Variants in ATP2B2 observed in about 807,000 individuals in gnomAD.
ATP2B2 encodes plasma membrane calcium-transporting ATPase 2.
A neutral mutation model predicts 120.0 loss-of-function variants in ATP2B2; 15 were observed. The ratio of observed to expected loss-of-function variants is 0.12; its 90% CI spans 0.08 to 0.19. The LOEUF (loss-of-function observed/expected upper bound fraction) is 0.19, where lower values mean the gene tolerates loss of function less well. Among genes scored for constraint, ATP2B2 ranks in the 10% least tolerant of loss-of-function variants. ATP2B2 has a pLI of 1.00. For missense variants in ATP2B2, 1,045 were observed against 1,719.8 expected, an observed-to-expected ratio of 0.61 and a Z score of 6.94; for synonymous variants, 694 against 700.3, an observed-to-expected ratio of 0.99 and a Z score of 0.14.
In ATP2B2 at chr3:10,342,691, A is replaced by C; in HGVS notation, c.2917+61T>G. The C allele has an allele frequency of 6.4e-7, 1 of 1,559,842 alleles. No homozygotes were observed. On this transcript the variant is annotated intron_variant, in intron 19 of 22. Transcript: ENST00000360273. This position sits in a 1 kb window ranked among gnomAD's most constrained non-coding sequence, Gnocchi z 4.4. Reference sequence around the variant, plus strand: ...GACTCGAGAATGCTGGGTGAGAGCCATGGTGCACCCAGAAGGTGATGACCC... The same window carrying C: ...GACTCGAGAATGCTGGGTGAGAGCCCTGGTGCACCCAGAAGGTGATGACCC...
At chr3:10,499,950 T>C (rs1438945005) in intron 1 of ATP2B2, among the ~76,000 whole-genome samples, 4 of 149,164 alleles carry the variant, frequency 2.7e-5, no homozygotes, top group Non-Finnish European at 5.9e-5. Flanking sequence ...TTTTTTTTTT[T>C]TTTGAGATAG....
rs192800644 is a variant in ATP2B2, at chr3:10,351,144, G to T, written c.2137-567C>A. Among the ~76,000 whole-genome samples, 30 of 152,282 alleles carry T rather than the reference G, an allele frequency of 2.0e-4. No homozygotes were observed. In the East Asian group the frequency reaches 5.6e-3, roughly 28 times the overall value. On this transcript the variant is annotated intron_variant, in intron 14 of 22. Coordinates refer to ENST00000360273, the MANE Select transcript of ATP2B2 (RefSeq NM_001001331.4). ...TACGCCATTTCTCTGCAATAATAAGGATAGGTTCTGTCCTCTCTGACTGTA... is the reference window on the plus strand; with the variant it reads ...TACGCCATTTCTCTGCAATAATAAGTATAGGTTCTGTCCTCTCTGACTGTA...
intron 2 of ATP2B2, among the ~76,000 whole-genome samples, chr3:10,413,995 AG>A (rs772694624): frequency 3.9e-5 from 6 of 152,146 alleles, no homozygotes; most frequent in South Asian, 2.1e-4. Context: ...TCTGAGCTAC[AG>A]TTTCCCCATT....
intron 7 of ATP2B2, 127 bp downstream of exon 7, chr3:10,386,353 G>A (rs2124855496): frequency 9.7e-7 from 1 of 1,035,402 alleles, no homozygotes; most frequent in South Asian, 1.3e-5. Context: ...AGGGTCTGGG[G>A]GGTGGAGCCA....
rs141256752 is a variant in ATP2B2 at position 10,335,750 on chromosome 3, A to T, written c.3420+2426T>A. On this transcript the variant is annotated intron_variant, in intron 22 of 22. Coordinates refer to ENST00000360273, the MANE Select transcript of ATP2B2 (RefSeq NM_001001331.4). ...GGTGGTCCAGGCTTTTCCTGACCACATATGACCCTAGGCCAGTGGGACACT... is the reference window on the plus strand; with the variant it reads ...GGTGGTCCAGGCTTTTCCTGACCACTTATGACCCTAGGCCAGTGGGACACT... Among the ~76,000 whole-genome samples, 1,386 of 152,300 alleles carry T rather than the reference A, an allele frequency of 9.1e-3. 10 individuals are homozygous for T. The highest frequency in any genetic ancestry group is 0.014 in the Non-Finnish European group (982 of 68,006).
At chr3:10,344,440 C>T (rs2060371502) in intron 18 of ATP2B2, among the ~76,000 whole-genome samples, 1 of 152,244 alleles carries the variant, frequency 6.6e-6, no homozygotes, top group South Asian at 2.1e-4. Flanking sequence ...GGAGCTGCCA[C>T]CTATATTCCC....
At chr3:10,511,138 G>C (rs1012397971) in intron 3 of ATP2B2, among the ~76,000 whole-genome samples, 4 of 152,022 alleles carry the variant, frequency 2.6e-5, no homozygotes, top group African/African-American at 7.2e-5. Flanking sequence ...CTGCGTCTTT[G>C]CATGTGCCAC....
chr3:10,450,870 G>A (rs995642846), intron 1 of ATP2B2, among the ~76,000 whole-genome samples: 2 of 152,134 alleles, frequency 1.3e-5, no homozygotes, highest in Non-Finnish European at 2.9e-5. Context: ...CCCAGCAAGC[G>A]TTGGGTGACA....
intron 3 of ATP2B2, among the ~76,000 whole-genome samples, chr3:10,529,414 T>C (rs1043216227): frequency 2.0e-4 from 31 of 152,214 alleles, no homozygotes; most frequent in Non-Finnish European, 3.4e-4. Flanking sequence ...ATAGTTGTGC[T>C]GAGAAAGAGC....
chr3:10,400,210 G>A (rs1008156045), intron 5 of ATP2B2, among the ~76,000 whole-genome samples: 1 of 152,210 alleles, frequency 6.6e-6, no homozygotes, highest in African/African-American at 2.4e-5. Context: ...AACATGATCA[G>A]CTCACTGCTT....
intron 1 of ATP2B2, among the ~76,000 whole-genome samples, chr3:10,456,377 T>C (rs2064260340): frequency 6.6e-6 from 1 of 152,208 alleles, no homozygotes; most frequent in Admixed American, 6.5e-5. Flanking sequence ...ACAAGTCTGG[T>C]CTGAAGATCC....
chr3:10,371,697 A>T, intron 12 of ATP2B2, 112 bp downstream of exon 12: 1 of 1,532,776 alleles, frequency 6.5e-7, no homozygotes, highest in South Asian at 1.2e-5. Flanking sequence ...ACCATACCAA[A>T]ATATATTAGC....
intron 1 of ATP2B2, among the ~76,000 whole-genome samples, chr3:10,678,181 C>G (rs906027966): frequency 2.0e-5 from 3 of 152,218 alleles, no homozygotes; most frequent in Non-Finnish European, 4.4e-5. Context: ...ATTTTGCTCA[C>G]TGGTATTCTC....
At position 10,342,391 on chromosome 3, in the gene ATP2B2, C is replaced by G. The variant is rs983319993; in HGVS notation, c.2917+361G>C. Among the ~76,000 whole-genome samples, 1 of 152,158 alleles carries G rather than the reference C, an allele frequency of 6.6e-6. No individual in the cohort carries two copies. The highest frequency in any genetic ancestry group is 2.4e-5 in the African/African-American group (1 of 41,424). On this transcript the variant is annotated intron_variant, in intron 19 of 22. Transcript: ENST00000360273. The surrounding 1 kb of genome is among the most constrained non-coding windows in gnomAD (Gnocchi z 4.4). ...CCTTCCACGGGGCCAGGATAAGGTG[C>G]TGGAATGGGTCAGAGAAGGGGTGAG...
At chr3:10,590,302 AT>A (rs1329929765) in intron 2 of ATP2B2, among the ~76,000 whole-genome samples, 2 of 152,212 alleles carry the variant, frequency 1.3e-5, no homozygotes, top group Non-Finnish European at 2.9e-5. Flanking sequence ...CGAGGGGTAA[AT>A]TTGGGGGGTA....
chr3:10,693,906 C>T (rs961075562), intron 1 of ATP2B2, among the ~76,000 whole-genome samples: 1 of 152,170 alleles, frequency 6.6e-6, no homozygotes, highest in South Asian at 2.1e-4. Context: ...CCTCTCTGGG[C>T]GTGGGACCAT....
At chr3:10,453,972 T>C (rs954817793) in intron 1 of ATP2B2, among the ~76,000 whole-genome samples, 5 of 140,286 alleles carry the variant, frequency 3.6e-5, no homozygotes, top group African/African-American at 1.3e-4. Flanking sequence ...ATCCATGCAC[T>C]CGCTCACTCA....
At chr3:10,526,043 C>T (rs1180973933) in intron 3 of ATP2B2, among the ~76,000 whole-genome samples, 1 of 152,188 alleles carries the variant, frequency 6.6e-6, no homozygotes, top group Non-Finnish European at 1.5e-5. Flanking sequence ...TATATCAAGT[C>T]CTTAACACAG....
intron 2 of ATP2B2, among the ~76,000 whole-genome samples, chr3:10,564,049 C>T (rs17509502): frequency 0.13 from 20,369 of 152,210 alleles, 1,523 homozygotes; most frequent in South Asian, 0.27. Context: ...AGGAACTTAC[C>T]CCAAGCCCTG....
Sources: allele counts gnomAD v4.1 joint callset (sites outside exome capture counted in the v4.1 genomes callset), GRCh38; gene constraint gnomAD v4.1.1; non-coding constraint Gnocchi (gnomAD v3.1); transcripts MANE v1.5; gene names NCBI Gene and HGNC (gene_info 2026-07-23, HGNC 2026-07-21).